SRPK2: variants seen among roughly 807,000 people sequenced by gnomAD.
SRPK2 encodes SRSF protein kinase 2, also known as SFRS protein kinase 2.
SRPK2 carries 21 observed loss-of-function variants against 90.8 expected under a neutral mutation model. The observed-to-expected ratio is 0.23, with a 90% CI of 0.16 to 0.33. The LOEUF is 0.33. Among genes scored for constraint, SRPK2 ranks in the 10% least tolerant of loss-of-function variants. The pLI, the probability that SRPK2 is intolerant of heterozygous loss-of-function variation, is 1.00. For missense variants in SRPK2, 620 were observed against 869.0 expected (o/e 0.71, Z 3.60); for synonymous variants, 288 against 311.1 (o/e 0.93, Z 0.78).
chr7:105,269,016 T>A, intron 2 of SRPK2: 1 of 1,341,200 alleles, frequency 7.5e-7, no homozygotes, highest in Non-Finnish European at 9.7e-7. Flanking sequence ...GATTCAATGG[T>A]GCTATAAAGG....
chr7:105,307,049 C>G (rs1305360376), intron 2 of SRPK2, among the ~76,000 whole-genome samples: 1 of 152,100 alleles, frequency 6.6e-6, no homozygotes, highest in Non-Finnish European at 1.5e-5. Context: ...CCTGGAAACA[C>G]AAAGGCAGCT....
At chr7:105,199,485 C>T (rs1387463814) in intron 3 of SRPK2, among the ~76,000 whole-genome samples, 1 of 152,140 alleles carries the variant, frequency 6.6e-6, no homozygotes, top group Non-Finnish European at 1.5e-5. Flanking sequence ...ACCATTAAAT[C>T]CCAAGCCATG....
chr7:105,213,178 T>C (rs1380210730), intron 2 of SRPK2, among the ~76,000 whole-genome samples: 3 of 152,176 alleles, frequency 2.0e-5, no homozygotes, highest in Non-Finnish European at 2.9e-5. Flanking sequence ...TGGTCTGAAA[T>C]ACTGTACCAT....
At chr7:105,352,077 T>G (rs947283352) in intron 2 of SRPK2, among the ~76,000 whole-genome samples, 1 of 152,170 alleles carries the variant, frequency 6.6e-6, no homozygotes, top group Non-Finnish European at 1.5e-5. Context: ...AATCATTCCC[T>G]CCCTATGGAG....
At chr7:105,213,817 A>T (rs1797136305) in intron 2 of SRPK2, among the ~76,000 whole-genome samples, 1 of 152,194 alleles carries the variant, frequency 6.6e-6, no homozygotes, top group Non-Finnish European at 1.5e-5. Flanking sequence ...ATAACAACTA[A>T]CGATTGCCTC....
At chr7:105,249,523 G>C (rs1191867223) in intron 2 of SRPK2, among the ~76,000 whole-genome samples, 1 of 151,244 alleles carries the variant, frequency 6.6e-6, no homozygotes, top group Non-Finnish European at 1.5e-5. Flanking sequence ...AAATTCCTTT[G>C]TACTAAGTTC....
At chr7:105,277,288 G>A (rs1171544262) in intron 2 of SRPK2, among the ~76,000 whole-genome samples, 2 of 152,050 alleles carry the variant, frequency 1.3e-5, no homozygotes, top group Non-Finnish European at 2.9e-5. Context: ...GTGTTAGCCG[G>A]GATGGTCTTG....
intron 2 of SRPK2, among the ~76,000 whole-genome samples, chr7:105,231,053 G>A (rs1489511384): frequency 6.6e-6 from 1 of 152,162 alleles, no homozygotes; most frequent in East Asian, 1.9e-4. Context: ...AGTACCAATA[G>A]TTAATTCGTC....
At chr7:105,228,227 A>C (rs1798964143) in intron 2 of SRPK2, among the ~76,000 whole-genome samples, 1 of 152,302 alleles carries the variant, frequency 6.6e-6, no homozygotes, top group Non-Finnish European at 1.5e-5. Flanking sequence ...TTATACAAAG[A>C]CTGGAAAAAT....
At chr7:105,141,199 C>T (rs1301585283) in intron 11 of SRPK2, among the ~76,000 whole-genome samples, 3 of 152,140 alleles carry the variant, frequency 2.0e-5, no homozygotes, top group East Asian at 1.9e-4. Flanking sequence ...GCTTACTCGG[C>T]GTGCAATTCC....
intron 2 of SRPK2, among the ~76,000 whole-genome samples, chr7:105,277,734 C>G (rs1806706347): frequency 6.6e-6 from 1 of 152,194 alleles, no homozygotes; most frequent in Non-Finnish European, 1.5e-5. Flanking sequence ...ATTCAAAAAA[C>G]TATCCCCAAT....
chr7:105,361,778 A>G (rs977781035), intron 2 of SRPK2, among the ~76,000 whole-genome samples: 1 of 152,216 alleles, frequency 6.6e-6, no homozygotes, highest in African/African-American at 2.4e-5. Flanking sequence ...CTATATGTAG[A>G]AAACTGAAAC....
At chr7:105,139,402 A>T (rs544332108) in intron 11 of SRPK2, among the ~76,000 whole-genome samples, 1 of 152,352 alleles carries the variant, frequency 6.6e-6, no homozygotes, top group East Asian at 1.9e-4. Context: ...TTTACTGGAC[A>T]TGAGAGAAAA....
At chr7:105,262,424 G>A (rs777650867) in intron 2 of SRPK2, among the ~76,000 whole-genome samples, 11 of 152,180 alleles carry the variant, frequency 7.2e-5, no homozygotes, top group Admixed American at 1.3e-4. Flanking sequence ...ACTGGAGCTC[G>A]AGGAAGTGGC....
chr7:105,323,211 A>G (rs1454732278), intron 2 of SRPK2, among the ~76,000 whole-genome samples: 1 of 152,200 alleles, frequency 6.6e-6, no homozygotes, highest in Non-Finnish European at 1.5e-5. Flanking sequence ...AAAGTCCTAC[A>G]AAAAGAAACA....
At chr7:105,222,509 G>T (rs1268078078) in intron 2 of SRPK2, among the ~76,000 whole-genome samples, 2 of 152,164 alleles carry the variant, frequency 1.3e-5, no homozygotes, top group Non-Finnish European at 2.9e-5. Flanking sequence ...ATTTTAAGCA[G>T]AAAATAGTTT....
chr7:105,135,293 C>T (rs888852092), intron 11 of SRPK2, among the ~76,000 whole-genome samples: 9 of 152,190 alleles, frequency 5.9e-5, no homozygotes, highest in African/African-American at 2.2e-4. Flanking sequence ...CCACCCCTTC[C>T]CCACCGAAGA....
Position 105,282,455 on chromosome 7 carries a change from AATAG to A in SRPK2, c.72-78674_72-78671del, listed in dbSNP as rs781489377. Among the ~76,000 whole-genome samples the A allele has an allele frequency of 1.2e-3, 188 of 152,362 alleles. 1 individual carries two copies. The highest frequency in any genetic ancestry group is 2.1e-3 in the Non-Finnish European group (146 of 68,038). Reference sequence around the variant, plus strand: ...ACATGAAAAGCACAAGGAATAAAAGAATAGATAAATAAACTTAACATCATAAAAA... The same window carrying A: ...ACATGAAAAGCACAAGGAATAAAAGAATAAATAAACTTAACATCATAAAAA... On this transcript the variant is annotated intron_variant, in intron 2 of 15. Coordinates refer to ENST00000393651, the MANE Select transcript of SRPK2 (RefSeq NM_182692.3).
downstream of SRPK2, among the ~76,000 whole-genome samples, chr7:105,115,734 A>AAAT (rs1167445820): frequency 3.3e-5 from 5 of 152,164 alleles, no homozygotes; most frequent in Non-Finnish European, 7.4e-5. Flanking sequence ...ACACCTGTAA[A>AAAT]AATTCATAAT....
Sources: gnomAD v4.1 joint callset for allele counts (sites outside exome capture counted in the v4.1 genomes callset) on GRCh38, gnomAD v4.1.1 for gene constraint, MANE v1.5 for transcripts, NCBI Gene and HGNC (gene_info 2026-07-23, HGNC 2026-07-21) for gene names.